RRM2: variants seen among roughly 807,000 people sequenced by gnomAD.
The protein encoded by RRM2 is ribonucleotide reductase regulatory subunit M2.
RRM2 carries 6 observed loss-of-function variants against 45.9 expected under a neutral mutation model. The observed-to-expected ratio is 0.13, with a 90% CI of 0.07 to 0.26. RRM2 has a LOEUF of 0.26. RRM2 is among the 10% of genes least tolerant of loss of function. The probability of loss-of-function intolerance (pLI) is 1.00; values close to 1 mark genes in which losing one functional copy is unlikely to be tolerated. For synonymous variants in RRM2, 177 were observed against 173.0 expected (o/e 1.02, Z -0.18); for missense variants, 343 against 489.5 (o/e 0.70, Z 2.82).
At chr2:10,145,370 C>T (rs1663166993) in intron 3 of RRM2, among the ~76,000 whole-genome samples, 1 of 152,214 alleles carries the variant, frequency 6.6e-6, no homozygotes, top group African/African-American at 2.4e-5. Flanking sequence ...TGTGCACACT[C>T]GCAGCCCAGG....
chr2:10,209,609 G>C (rs948166054), intron 3 of RRM2, among the ~76,000 whole-genome samples: 1 of 48,578 alleles, frequency 2.1e-5, no homozygotes, highest in African/African-American at 4.6e-5. Flanking sequence ...GTGTGTGTGC[G>C]TGCATGCGTG....
chr2:10,144,408 C>T (rs997323628), intron 3 of RRM2, among the ~76,000 whole-genome samples: 2 of 152,214 alleles, frequency 1.3e-5, no homozygotes, highest in African/African-American at 2.4e-5. Context: ...TTATAAAACT[C>T]TTGGCAGAGT....
intron 3 of RRM2, among the ~76,000 whole-genome samples, chr2:10,167,861 A>C (rs1390153442): frequency 6.6e-6 from 1 of 152,128 alleles, no homozygotes; most frequent in African/African-American, 2.4e-5. Flanking sequence ...CCTTAGGTCA[A>C]ATGTCTGCTT....
chr2:10,188,290 G>A (rs568763623), intron 3 of RRM2, among the ~76,000 whole-genome samples: 22 of 152,328 alleles, frequency 1.4e-4, no homozygotes, highest in Admixed American at 5.9e-4. Context: ...GGCTCACACC[G>A]CAGGAATATA....
In RRM2 at chr2:10,130,914, TAAAC is replaced by T. The variant is rs1293717473; in HGVS notation, c.*1532_*1535del. On this transcript the variant is annotated 3_prime_UTR_variant, in exon 10 of 10. Coordinates refer to ENST00000304567, the MANE Select transcript of RRM2 (RefSeq NM_001034.4). Reference sequence around the variant, plus strand: ...CAAAGTGCTGGGATTGCAGGCGTGATAAACAAATATTCTTAATAGGGCTACTTTG... The same window carrying T: ...CAAAGTGCTGGGATTGCAGGCGTGATAAATATTCTTAATAGGGCTACTTTG... 6.6e-6 allele frequency: 1 copy of T among 152,156 alleles called. No individual in the cohort carries two copies. Among genetic ancestry groups the T allele is most frequent in the South Asian group, 2.1e-4 (1 of 4,818 alleles). The allele number at this position is 152,156 out of a possible 1,614,324, so 9.4% of individuals were successfully genotyped here.
Position 10,159,370 on chromosome 2 carries a change from C to T in RRM2, n.482+16995C>T, listed in dbSNP as rs535811133. Among the ~76,000 whole-genome samples the T allele has an allele frequency of 2.6e-5, 4 of 152,338 alleles. No homozygotes were observed. The South Asian group carries it at 8.3e-4, about 32-fold the overall frequency. On this transcript the variant is annotated intron_variant and non_coding_transcript_variant, in intron 3 of 3. Coordinates refer to the RRM2 transcript ENST00000381786. ...TGGGAATGTCGCTGAGTCTTTGGTT[C>T]TTCCAGAGACCTGTCTTTTGGCTGC...
chr2:10,188,938 C>T (rs568777029), intron 3 of RRM2, among the ~76,000 whole-genome samples: 7 of 152,174 alleles, frequency 4.6e-5, no homozygotes, highest in Admixed American at 1.3e-4. Flanking sequence ...AGGGAGGCGC[C>T]GGCGCCCCAT....
At chr2:10,132,152 C>A (rs1338755720), downstream of RRM2, among the ~76,000 whole-genome samples, 1 of 152,222 alleles carries the variant, frequency 6.6e-6, no homozygotes, top group Non-Finnish European at 1.5e-5. Context: ...CCAAACGAAC[C>A]AATCATTCCT....
At chr2:10,200,731 C>CACAGGGACCGCGCACACAAAATATGA (rs1664551730) in intron 3 of RRM2, among the ~76,000 whole-genome samples, 1 of 152,116 alleles carries the variant, frequency 6.6e-6, no homozygotes, top group Non-Finnish European at 1.5e-5. Flanking sequence ...ATATGAGGCC[C>CACAGGGACCGCGCACACAAAATATGA]GCCATCTAAG....
intron 3 of RRM2, among the ~76,000 whole-genome samples, chr2:10,154,033 A>G (rs1455468195): frequency 1.3e-5 from 2 of 152,238 alleles, no homozygotes; most frequent in African/African-American, 4.8e-5. Context: ...AAAATGGTAC[A>G]TTGGGTTACC....
At chr2:10,142,512 C>A in intron 3 of RRM2, 1 of 823,876 alleles carries the variant, frequency 1.2e-6, no homozygotes, top group Non-Finnish European at 1.8e-6. Flanking sequence ...AATCCAGGTA[C>A]TGCCAGCCTC....
In RRM2 at chr2:10,172,100, C is replaced by A. The variant is rs551145817; in HGVS notation, n.482+29725C>A. On this transcript the variant is annotated intron_variant and non_coding_transcript_variant, in intron 3 of 3. Coordinates refer to the RRM2 transcript ENST00000381786. This position sits in a 1 kb window ranked among gnomAD's most constrained non-coding sequence, Gnocchi z 4.9. ...AGCATGAGTGCATTAACAGGGGGAA[C>A]GTCTGTGTTTACAGGGCATGCGTTT... 2.0e-5 allele frequency among the ~76,000 whole-genome samples: 3 copies of A among 152,324 alleles called. No homozygotes were observed. Among genetic ancestry groups the A allele is most frequent in the South Asian group, 2.1e-4 (1 of 4,832 alleles).
intron 3 of RRM2, among the ~76,000 whole-genome samples, chr2:10,178,588 C>T (rs1277168819): frequency 6.6e-6 from 1 of 152,176 alleles, no homozygotes; most frequent in Non-Finnish European, 1.5e-5. Context: ...AATCTGTTCT[C>T]CATCTTTATA....
In RRM2 at chr2:10,144,814, T is replaced by C. The variant is rs370739905; in HGVS notation, n.482+2439T>C. ...CTTGCCGTCAGTAAATGGTACGACA[T>C]TGAGCACCAAGGAGCTCAGCCAGCC... On this transcript the variant is annotated intron_variant and non_coding_transcript_variant, in intron 3 of 3. Coordinates refer to the RRM2 transcript ENST00000381786. Among the ~76,000 whole-genome samples the C allele has an allele frequency of 8.6e-4, 131 of 152,242 alleles. 1 individual carries two copies. Among genetic ancestry groups the C allele is most frequent in the African/African-American group, 3.0e-3 (124 of 41,530 alleles).
At chr2:10,132,774 A>G (rs144883208), downstream of RRM2, among the ~76,000 whole-genome samples, 1 of 152,222 alleles carries the variant, frequency 6.6e-6, no homozygotes, top group Admixed American at 6.5e-5. Flanking sequence ...CGCTGGGCCT[A>G]TTGCACAAGT....
intron 3 of RRM2, among the ~76,000 whole-genome samples, chr2:10,181,056 C>T (rs1450992768): frequency 2.0e-5 from 3 of 152,128 alleles, no homozygotes; most frequent in Admixed American, 6.6e-5. Flanking sequence ...TGTGAGCCAC[C>T]GCACCCAGCC....
chr2:10,196,792 C>T (rs539387888), intron 3 of RRM2, among the ~76,000 whole-genome samples: 5 of 152,298 alleles, frequency 3.3e-5, no homozygotes, highest in South Asian at 4.1e-4. Context: ...GAGGGAGGGC[C>T]GCAGCCGGGA....
In RRM2 at chr2:10,147,184, C is replaced by T. The variant is rs770213696; in HGVS notation, n.482+4809C>T. 3.9e-5 allele frequency among the ~76,000 whole-genome samples: 6 copies of T among 152,118 alleles called. No homozygotes were observed. In the South Asian group the frequency reaches 6.2e-4, roughly 16 times the overall value. On this transcript the variant is annotated intron_variant and non_coding_transcript_variant, in intron 3 of 3. Transcript: ENST00000381786. ...GCCAGGATGGACTTGATCTCTCGAC[C>T]GCGTGATCTGCCCACCTCGGCCTCC...
intron 3 of RRM2, among the ~76,000 whole-genome samples, chr2:10,161,664 A>T (rs1397594417): frequency 6.8e-6 from 1 of 147,922 alleles, no homozygotes; most frequent in African/African-American, 2.6e-5. Flanking sequence ...ACTCACACTC[A>T]TGCACACACA....
Sources: allele counts gnomAD v4.1 joint callset (sites outside exome capture counted in the v4.1 genomes callset), GRCh38; gene constraint gnomAD v4.1.1; non-coding constraint Gnocchi (gnomAD v3.1); transcripts MANE v1.5; gene names NCBI Gene and HGNC (gene_info 2026-07-23, HGNC 2026-07-21).